PEBP4: variants seen among roughly 807,000 people sequenced by gnomAD.
PEBP4 encodes the protein phosphatidylethanolamine binding protein 4.
In PEBP4, 22 loss-of-function variants were observed where a neutral mutation model predicts 23.9. The ratio of observed to expected loss-of-function variants is 0.92; its 90% confidence interval spans 0.66 to 1.31. PEBP4 has a LOEUF of 1.31. Ranked by LOEUF, PEBP4 falls within the 40% of genes most tolerant of loss-of-function variation. PEBP4 has a pLI of 0.00. For missense variants in PEBP4, 324 were observed against 281.7 expected (o/e 1.15, Z -1.07); for synonymous variants, 112 against 99.3 (o/e 1.13, Z -0.76).
chr8:22,827,312 G>A (rs1806991172), intron 3 of PEBP4, among the ~76,000 whole-genome samples: 1 of 152,102 alleles, frequency 6.6e-6, no homozygotes, highest in South Asian at 2.1e-4. Flanking sequence ...GTACAAAGTT[G>A]CGCAACGATC....
rs192178433 is a variant in PEBP4, at chr8:22,871,326, G to C, written c.258+48858C>G. ...CCCCATCACTGTTGTGGGAAATGTA[G>C]TTTCATTTCTGCCCATGGGCACTAA... On this transcript the variant is annotated intron_variant, in intron 3 of 6. Transcript: ENST00000256404. Among the ~76,000 whole-genome samples the C allele has an allele frequency of 5.8e-4, 88 of 152,248 alleles. 1 individual carries two copies. The highest frequency in any genetic ancestry group is 1.6e-4 in the Non-Finnish European group (11 of 68,020).
At chr8:22,818,012 G>A (rs935982163) in intron 3 of PEBP4, among the ~76,000 whole-genome samples, 3 of 152,220 alleles carry the variant, frequency 2.0e-5, no homozygotes, top group African/African-American at 4.8e-5. Flanking sequence ...GGGAAGTTCT[G>A]AGCGCTGTGC....
At chr8:22,853,498 G>A (rs1263389180) in intron 3 of PEBP4, among the ~76,000 whole-genome samples, 2 of 152,224 alleles carry the variant, frequency 1.3e-5, no homozygotes, top group Admixed American at 6.5e-5. Context: ...TTAGCTCAAA[G>A]CCCTGTGAAG....
chr8:22,789,531 T>TG (rs1806095533), intron 4 of PEBP4, among the ~76,000 whole-genome samples: 1 of 152,140 alleles, frequency 6.6e-6, no homozygotes, highest in South Asian at 2.1e-4. Context: ...GGTGGGGCTG[T>TG]GGGCTCCTCC....
At chr8:22,831,189 T>C (rs1005852559) in intron 3 of PEBP4, among the ~76,000 whole-genome samples, 5 of 152,252 alleles carry the variant, frequency 3.3e-5, no homozygotes, top group African/African-American at 1.2e-4. Flanking sequence ...AGGTCATTTC[T>C]CTGGAGAAGT....
At chr8:22,731,955 G>A (rs183088968) in intron 4 of PEBP4, among the ~76,000 whole-genome samples, 6 of 152,092 alleles carry the variant, frequency 3.9e-5, no homozygotes, top group South Asian at 2.1e-4. Context: ...GATTACAGGC[G>A]TGAGCCACCG....
At position 22,904,988 on chromosome 8, in the gene PEBP4, A is replaced by C. The variant is rs141461556; in HGVS notation, c.258+15196T>G. 1.1e-4 allele frequency among the ~76,000 whole-genome samples: 17 copies of C among 152,342 alleles called. No homozygotes were observed. In the East Asian group the frequency reaches 2.7e-3, roughly 24 times the overall value. ...GTTTCTCTGATTAAGTAATCAGATT[A>C]GAATAAATTCCTAGAGCTAAAATTA... On this transcript the variant is annotated intron_variant, in intron 3 of 6. Coordinates refer to ENST00000256404, the MANE Select transcript of PEBP4 (RefSeq NM_144962.3).
chr8:22,890,654 C>T (rs1429786230), intron 3 of PEBP4, among the ~76,000 whole-genome samples: 13 of 152,198 alleles, frequency 8.5e-5, no homozygotes, highest in Admixed American at 6.5e-5. Flanking sequence ...GTTCAGAGGC[C>T]GCCTGGCAGG....
At chr8:22,752,482 A>G (rs568786697) in intron 4 of PEBP4, among the ~76,000 whole-genome samples, 1 of 152,354 alleles carries the variant, frequency 6.6e-6, no homozygotes, top group South Asian at 2.1e-4. Flanking sequence ...ACCCTTGGTT[A>G]ACGGGTTTCC....
chr8:22,821,846 G>A (rs1007494703), intron 3 of PEBP4, among the ~76,000 whole-genome samples: 6 of 152,132 alleles, frequency 3.9e-5, no homozygotes, highest in South Asian at 2.1e-4. Context: ...TTAGCTGGGC[G>A]TGGTGGCGGG....
chr8:22,925,987 G>GT (rs1209878099), intron 2 of PEBP4, among the ~76,000 whole-genome samples: 3 of 151,988 alleles, frequency 2.0e-5, no homozygotes, highest in African/African-American at 4.8e-5. Flanking sequence ...TTTTTTGTTT[G>GT]TTTTTTGAGA....
At chr8:22,723,899 C>T (rs1027383197) in intron 6 of PEBP4, among the ~76,000 whole-genome samples, 3 of 152,128 alleles carry the variant, frequency 2.0e-5, no homozygotes, top group Admixed American at 6.5e-5. Flanking sequence ...TCCGGCATCG[C>T]GGTTGTAGCA....
chr8:22,880,095 G>A (rs535248830), intron 3 of PEBP4, among the ~76,000 whole-genome samples: 1 of 152,332 alleles, frequency 6.6e-6, no homozygotes, highest in East Asian at 1.9e-4. Context: ...CTGAGCAAGG[G>A]GATGGGGAGG....
chr8:22,867,060 G>A (rs182617643), intron 3 of PEBP4, among the ~76,000 whole-genome samples: 2 of 152,246 alleles, frequency 1.3e-5, no homozygotes, highest in African/African-American at 2.4e-5. Context: ...CAGGAGATGA[G>A]GCCTCAAATC....
intron 3 of PEBP4, among the ~76,000 whole-genome samples, chr8:22,917,125 G>A (rs553672304): frequency 2.2e-5 from 3 of 138,740 alleles, no homozygotes; most frequent in African/African-American, 8.4e-5. Flanking sequence ...CTGGGGGCGG[G>A]GGAGGGGGGG....
At chr8:22,910,300 C>T (rs869687) in intron 3 of PEBP4, among the ~76,000 whole-genome samples, 124,149 of 152,022 alleles carry the variant, frequency 0.82, 53,628 homozygotes, top group East Asian at 0.97. Flanking sequence ...CAGCTTACCC[C>T]GTTGTTAGCA....
intron 4 of PEBP4, among the ~76,000 whole-genome samples, chr8:22,778,063 C>T (rs4872011): frequency 0.43 from 64,583 of 151,866 alleles, 14,899 homozygotes; most frequent in South Asian, 0.52. Flanking sequence ...AGTGCCATCA[C>T]GGTTCCCTTC....
chr8:22,832,853 C>T (rs1460718942), intron 3 of PEBP4, among the ~76,000 whole-genome samples: 3 of 152,154 alleles, frequency 2.0e-5, no homozygotes, highest in Non-Finnish European at 4.4e-5. Flanking sequence ...AGAGCACATT[C>T]TTCAAATGCC....
chr8:22,848,939 T>C (rs996285441), intron 3 of PEBP4, among the ~76,000 whole-genome samples: 1 of 152,192 alleles, frequency 6.6e-6, no homozygotes, highest in Non-Finnish European at 1.5e-5. Flanking sequence ...CCAGATAACC[T>C]TACACTATTT....
Sources: gnomAD v4.1 joint callset for allele counts (sites outside exome capture counted in the v4.1 genomes callset) on GRCh38, gnomAD v4.1.1 for gene constraint, MANE v1.5 for transcripts, NCBI Gene and HGNC (gene_info 2026-07-23, HGNC 2026-07-21) for gene names.